Variants in USP24 observed in about 807,000 individuals in gnomAD.
USP24 encodes ubiquitin specific peptidase 24.
USP24 carries 97 observed loss-of-function variants against 361.6 expected under a neutral mutation model. That is an observed-to-expected ratio of 0.27 (90% CI 0.23 to 0.32). The LOEUF (loss-of-function observed/expected upper bound fraction) is 0.32, where lower values mean the gene tolerates loss of function less well. Ranked by LOEUF, USP24 falls within the 10% of genes least tolerant of loss-of-function variation. The pLI is 1.00. For missense variants in USP24, 2,353 were observed against 3,165.6 expected, an observed-to-expected ratio of 0.74 and a Z score of 6.16; for synonymous variants, 1,098 against 1,124.6, an observed-to-expected ratio of 0.98 and a Z score of 0.47.
chr1:55,090,889 A>G (rs113685884), intron 54 of USP24, among the ~76,000 whole-genome samples: 6,378 of 152,290 alleles, frequency 0.042, 351 homozygotes, highest in African/African-American at 0.13. Flanking sequence ...GTTCAAGAGT[A>G]GTTTGCTCAA....
intron 49 of USP24, 148 bp from the exon 50 acceptor site, chr1:55,096,770 T>C (rs1645505229): frequency 1.4e-6 from 2 of 1,400,426 alleles, no homozygotes; most frequent in South Asian, 1.5e-5. Context: ...ATTATTTCAA[T>C]TTCTAAAACA....
Position 55,168,301 on chromosome 1 carries a change from T to G in USP24, c.826-1698A>C, listed in dbSNP as rs75574975. ...GATGGTGGACGAAGGCAGAATGGAA[T>G]GCCCTGAAAAGTTAGTAGACTTCTG... On this transcript the variant is annotated intron_variant, in intron 5 of 67. Coordinates refer to ENST00000294383, the MANE Select transcript of USP24 (RefSeq NM_015306.3). Among the ~76,000 whole-genome samples the G allele has an allele frequency of 2.0e-5, 3 of 152,214 alleles. No individual in the cohort carries two copies. The East Asian group carries it at 5.8e-4, about 29-fold the overall frequency.
intron 5 of USP24, among the ~76,000 whole-genome samples, chr1:55,170,924 T>A (rs1239051937): frequency 6.6e-6 from 1 of 152,174 alleles, no homozygotes; most frequent in Non-Finnish European, 1.5e-5. Context: ...AGACACATAG[T>A]AAATGTTAAA....
chr1:55,152,133 A>G (rs905508472), intron 16 of USP24, among the ~76,000 whole-genome samples: 5 of 152,210 alleles, frequency 3.3e-5, no homozygotes, highest in African/African-American at 1.2e-4. Context: ...AGTAAACTGA[A>G]AAGTGCTATA....
At chr1:55,110,110 T>C in intron 39 of USP24, 75 bp downstream of exon 39, 1 of 1,240,594 alleles carries the variant, frequency 8.1e-7, no homozygotes, top group South Asian at 1.5e-5. Flanking sequence ...GTAAATCATA[T>C]TTAGAAATGT....
At position 55,137,690 on chromosome 1, in the gene USP24, T is replaced by C. The variant is rs1352285056; in HGVS notation, c.3028-2A>G. The C allele has an allele frequency of 6.2e-7, 1 of 1,607,512 alleles. No homozygotes were observed. The stretch of plus-strand genomic sequence containing the variant: ...CTTTTGATCTTTATTCACTGTCAGC[T>C]GCAAAAAGTGGTTTCTTAATTATTG... On this transcript the variant is annotated splice_acceptor_variant, in intron 27 of 67. Coordinates refer to ENST00000294383, the MANE Select transcript of USP24 (RefSeq NM_015306.3). LOFTEE classifies it high-confidence loss of function.
intron 35 of USP24, 81 bp downstream of exon 35, chr1:55,124,388 G>C (rs374667582): frequency 1.3e-6 from 2 of 1,484,708 alleles, no homozygotes; most frequent in East Asian, 2.4e-5. Flanking sequence ...CCATTTTTGT[G>C]ACTCTGGCAA....
Position 55,215,149 on chromosome 1 carries a change from G to C in USP24, c.-36C>G. The C allele has an allele frequency of 1.6e-6, 2 of 1,217,686 alleles. No homozygotes were observed. The highest frequency in any genetic ancestry group is 3.7e-5 in the South Asian group (1 of 27,096). The allele number at this position is 1,217,686 out of a possible 1,614,324, so 75.4% of individuals were successfully genotyped here. ...TCCTGGCCGCCCCGGCCAGCGCACG[G>C]CGAAGCTACGGGTCCCGGGCCTGGC... On this transcript the variant is annotated 5_prime_UTR_variant, in exon 1 of 68. Coordinates refer to ENST00000294383, the MANE Select transcript of USP24 (RefSeq NM_015306.3).
intron 1 of USP24, among the ~76,000 whole-genome samples, chr1:55,179,316 T>C (rs1163293308): frequency 1.3e-5 from 2 of 152,194 alleles, no homozygotes; most frequent in African/African-American, 2.4e-5. Flanking sequence ...TTCCTAGTCA[T>C]CAAATACTTC....
chr1:55,154,435 T>C lies in USP24; in HGVS notation c.1586A>G (p.Gln529Arg), dbSNP rs981986997. The C allele has an allele frequency of 6.4e-7, 1 of 1,551,516 alleles. No individual in the cohort carries two copies. Among genetic ancestry groups the C allele is most frequent in the Non-Finnish European group, 8.7e-7 (1 of 1,146,832 alleles). ...SWETESDRVR[Q>R]KLLSLIGRIG... is the part of the protein sequence containing the mutation. ...TCGTCCAATCAGGCTCAAAAGCTTC[T>C]GTCTTACTCTATCACTCTCAGTCTC... The change falls in exon 14 of 68, where the codon CAG (glutamine) becomes CGG (arginine). Residue 529 changes from glutamine (Q) to arginine (R), a missense_variant. By Grantham distance (43) the Gln-to-Arg change is conservative. Transcript: ENST00000294383.
chr1:55,101,621 A>G lies in USP24; in HGVS notation c.5108T>C (p.Val1703Ala). The change falls in exon 43 of 68, where the codon GTC becomes GCC. Residue 1703 changes from valine to alanine, a missense_variant. This residue lies in a region of USP24 where 949 missense variants were observed against 1,280.5 expected (regional missense o/e 0.74). Coordinates refer to ENST00000294383, the MANE Select transcript of USP24 (RefSeq NM_015306.3). Reference sequence around the variant, plus strand: ...AGGTTGCATATACAGCTGCTGGAAGACTGCATTCATATAACAAGTTGCACC... The same window carrying G: ...AGGTTGCATATACAGCTGCTGGAAGGCTGCATTCATATAACAAGTTGCACC... ...NGGATCYMNAVFQQLYMQPGL... is the reference protein window; with the variant it reads ...NGGATCYMNAAFQQLYMQPGL... The G allele has an allele frequency of 6.2e-7, 1 of 1,613,116 alleles. No individual in the cohort carries two copies. The highest frequency in any genetic ancestry group is 8.5e-7 in the Non-Finnish European group (1 of 1,179,586).
chr1:55,174,523 A>G (rs1649763100), intron 3 of USP24, among the ~76,000 whole-genome samples: 1 of 152,252 alleles, frequency 6.6e-6, no homozygotes, highest in Non-Finnish European at 1.5e-5. Context: ...ATGACCAACC[A>G]TGTGACCATT....
intron 1 of USP24, among the ~76,000 whole-genome samples, chr1:55,206,375 A>C (rs936674206): frequency 6.6e-6 from 1 of 152,218 alleles, no homozygotes; most frequent in African/African-American, 2.4e-5. Flanking sequence ...GTGGCAATTG[A>C]GCTAACCTTG....
chr1:55,127,266 G>A (rs1238219981), intron 32 of USP24, among the ~76,000 whole-genome samples: 3 of 151,714 alleles, frequency 2.0e-5, no homozygotes, highest in Non-Finnish European at 4.4e-5. Flanking sequence ...CCCTTCCTGT[G>A]TCCATGTGTT....
In USP24 at chr1:55,158,941, T is replaced by C; in HGVS notation, c.1164A>G (p.Leu388=). 1.9e-6 allele frequency: 3 copies of C among 1,597,340 alleles called. No individual in the cohort carries two copies. Among genetic ancestry groups the C allele is most frequent in the Admixed American group, 1.7e-5 (1 of 58,448 alleles). The change falls in exon 10 of 68, where the codon CTA becomes CTG. Residue 388 remains leucine (L), a synonymous_variant. Coordinates refer to ENST00000294383, the MANE Select transcript of USP24 (RefSeq NM_015306.3). ...DLVTIVDDLR[L]DILLRMLKSP... ...ATTTCAGCATGCGCAATAGAATATC[T>C]AGTCGAAGGTCATCCACAATTGTCA...
chr1:55,106,886 C>T (rs1300982112), intron 40 of USP24, among the ~76,000 whole-genome samples: 2 of 152,096 alleles, frequency 1.3e-5, no homozygotes, highest in African/African-American at 4.8e-5. Context: ...TAGGGGCTGC[C>T]TCTTCAGATG....
At chr1:55,083,160 G>T in intron 58 of USP24, 112 bp downstream of exon 58, 1 of 986,334 alleles carries the variant, frequency 1.0e-6, no homozygotes, top group Non-Finnish European at 1.5e-6. Context: ...AGTCTCTATG[G>T]TACTACTACT....
At chr1:55,079,873 TCACA>T (rs933671213) in intron 59 of USP24, among the ~76,000 whole-genome samples, 8 of 150,302 alleles carry the variant, frequency 5.3e-5, no homozygotes, top group Non-Finnish European at 8.9e-5. Flanking sequence ...CACTGAGCAC[TCACA>T]CACAGTACTC....
chr1:55,137,926 G>T lies in USP24; in HGVS notation c.2929-22C>A, dbSNP rs368202344. ...GAGCCTGTAAAATAAAATTAAACAC[G>T]TTGTGAGAGAATTCATTTATTTATT... On this transcript the variant is annotated intron_variant, in intron 26 of 67. Transcript: ENST00000294383. 1.9e-6 allele frequency: 3 copies of T among 1,549,478 alleles called. No individual in the cohort carries two copies. In the South Asian group the frequency reaches 3.6e-5, roughly 18 times the overall value.
Sources: allele counts gnomAD v4.1 joint callset (sites outside exome capture counted in the v4.1 genomes callset), GRCh38; gene constraint gnomAD v4.1.1; regional missense constraint gnomAD v4.1.1; transcripts MANE v1.5; gene names NCBI Gene and HGNC (gene_info 2026-07-23, HGNC 2026-07-21).